The following SFI1 variants were observed in gnomAD, a reference collection of about 807,000 sequenced individuals.
SFI1 encodes the protein protein SFI1 homolog.
A neutral mutation model predicts 207.5 loss-of-function variants in SFI1; 195 were observed. The observed-to-expected ratio is 0.94, with a 90% CI of 0.84 to 1.06. SFI1 has a LOEUF of 1.06. SFI1 is among the 50% of genes least tolerant of loss of function. The probability of loss-of-function intolerance (pLI) is 0.00; values close to 1 mark genes in which losing one functional copy is unlikely to be tolerated. For missense variants in SFI1, 1,634 were observed against 1,588.0 expected (o/e 1.03, Z -0.49); for synonymous variants, 630 against 598.9 (o/e 1.05, Z -0.76).
chr22:31,590,675 T>G (rs957079045), intron 15 of SFI1, among the ~76,000 whole-genome samples: 3 of 151,446 alleles, frequency 2.0e-5, no homozygotes, highest in Non-Finnish European at 4.4e-5. Flanking sequence ...CAGCTAATTT[T>G]TTGTGTTTTT....
chr22:31,595,957 T>C (rs2067039515), intron 15 of SFI1, among the ~76,000 whole-genome samples: 1 of 152,092 alleles, frequency 6.6e-6, no homozygotes, highest in Non-Finnish European at 1.5e-5. Flanking sequence ...TCATCTTTAA[T>C]CTGGAGGATT....
intron 31 of SFI1, among the ~76,000 whole-genome samples, chr22:31,617,778 TG>T (rs1345949125): frequency 1.3e-5 from 2 of 151,018 alleles, no homozygotes; most frequent in Non-Finnish European, 2.9e-5. Context: ...CTCAGTGGTC[TG>T]GGGACCATTC....
rs903231094 is a variant in SFI1 at position 31,522,287 on chromosome 22, C to T, written c.93-6403C>T. On this transcript the variant is annotated intron_variant, in intron 2 of 32. Transcript: ENST00000400288. ...TTCACCATGTTGGCCAGGCTGCTCT[C>T]GAACTCCTGATCCACCTGCCTCAGC... Among the ~76,000 whole-genome samples the T allele has an allele frequency of 4.0e-5, 6 of 150,730 alleles. No homozygotes were observed. In the South Asian group the frequency reaches 8.4e-4, roughly 21 times the overall value.
chr22:31,501,876 G>A (rs536885990), intron 1 of SFI1, among the ~76,000 whole-genome samples: 4 of 152,158 alleles, frequency 2.6e-5, no homozygotes, highest in South Asian at 2.1e-4. Context: ...GGTTTTTGCC[G>A]GATGCTCTGA....
At chr22:31,599,401 A>G (rs1372890036) in intron 15 of SFI1, among the ~76,000 whole-genome samples, 1 of 151,736 alleles carries the variant, frequency 6.6e-6, no homozygotes, top group African/African-American at 2.4e-5. Flanking sequence ...ATCTCGGCTC[A>G]CTGCAATCTT....
chr22:31,550,183 T>C (rs1374170077), intron 5 of SFI1, 71 bp from the exon 6 acceptor site: 10 of 1,208,308 alleles, frequency 8.3e-6, no homozygotes, highest in Non-Finnish European at 1.2e-5. Flanking sequence ...AGTGCTAGGG[T>C]TACAGGTGTG....
chr22:31,545,584 A>AATTTAATTTT (rs1412682098), intron 4 of SFI1, among the ~76,000 whole-genome samples: 183 of 144,988 alleles, frequency 1.3e-3, no homozygotes, highest in Middle Eastern at 3.4e-3. Context: ...AATTTAATTT[A>AATTTAATTTT]ATTTTATTTT....
At chr22:31,612,398 A>AAAATAT (rs1556369798) in intron 24 of SFI1, 13 of 60,198 alleles carry the variant, frequency 2.2e-4, no homozygotes, top group African/African-American at 8.0e-4. Context: ...AAAAAAAAAA[A>AAAATAT]ATATATATAT....
At chr22:31,576,541 G>A (rs946692321) in intron 10 of SFI1, among the ~76,000 whole-genome samples, 12 of 151,494 alleles carry the variant, frequency 7.9e-5, no homozygotes, top group African/African-American at 2.7e-4. Flanking sequence ...GGCTGGTCTC[G>A]AACTCCTGAC....
rs369423531 is a variant in SFI1 at position 31,573,203 on chromosome 22, G to A, written c.911G>A (p.Arg304Lys). Residue 304 changes from arginine to lysine, a missense_variant, in exon 9 of 33, where the codon AGA (arginine) becomes AAA (lysine). By Grantham distance (26) the Arg-to-Lys change is conservative. Coordinates refer to ENST00000400288, the MANE Select transcript of SFI1 (RefSeq NM_001007467.3). Reference protein sequence around the residue: ...LEYLQVRRVKRQQNEMAERFH... With the variant: ...LEYLQVRRVKKQQNEMAERFH... ...TACCTGCAAGTCCGCAGAGTGAAGA[G>A]ACAGCAGAATGGTGAGTAGGAAGCT... 10 of 1,613,920 alleles carry A rather than the reference G, an allele frequency of 6.2e-6. No individual in the cohort carries two copies. In the African/African-American group the frequency reaches 1.2e-4, roughly 19 times the overall value.
chr22:31,553,827 T>TA (rs1453457964), intron 6 of SFI1, among the ~76,000 whole-genome samples: 4 of 145,912 alleles, frequency 2.7e-5, no homozygotes, highest in African/African-American at 1.0e-4. Flanking sequence ...TATTTTTTTT[T>TA]AATGGATTAT....
At chr22:31,569,343 A>G (rs1224319598) in intron 8 of SFI1, among the ~76,000 whole-genome samples, 2 of 152,184 alleles carry the variant, frequency 1.3e-5, no homozygotes, top group Non-Finnish European at 2.9e-5. Flanking sequence ...GATACTATGT[A>G]AGGGGAAGTA....
rs555105418 is a variant in SFI1 at position 31,617,189 on chromosome 22, G to A, written c.3512+111G>A. ...GCCAGCTGCCAGGGTCCTGTAGGTG[G>A]TCTCGGTCTAGCCATGGAGGGGTGT... is the stretch of plus-strand genomic sequence containing the variant. On this transcript the variant is annotated intron_variant, in intron 31 of 32. Transcript: ENST00000400288. 8.2e-5 allele frequency: 96 copies of A among 1,168,484 alleles called. No homozygotes were observed. The African/African-American group carries it at 1.3e-3, about 15-fold the overall frequency. 72.4% of individuals were successfully genotyped at this position (1,168,484 alleles called of 1,614,324 possible).
chr22:31,563,230 C>T (rs1025823716), intron 8 of SFI1, among the ~76,000 whole-genome samples: 8 of 151,880 alleles, frequency 5.3e-5, no homozygotes, highest in African/African-American at 1.9e-4. Flanking sequence ...TGAGCTCAGG[C>T]AATCTGCCTG....
intron 10 of SFI1, among the ~76,000 whole-genome samples, chr22:31,577,250 T>C (rs948224632): frequency 6.6e-6 from 1 of 152,100 alleles, no homozygotes; most frequent in African/African-American, 2.4e-5. Context: ...GTCTAAGTCA[T>C]AGGAGATGAG....
rs191534326 is a variant in SFI1 at position 31,565,284 on chromosome 22, G to T, written c.765+3892G>T. 1.9e-4 allele frequency among the ~76,000 whole-genome samples: 29 copies of T among 152,090 alleles called. No homozygotes were observed. The East Asian group carries it at 4.8e-3, about 25-fold the overall frequency. On this transcript the variant is annotated intron_variant, in intron 8 of 32. Transcript: ENST00000400288. ...CTTATAAAAATATGTGCACATATCT[G>T]TAAAGAATAAACATGTGGTACACTC...
chr22:31,497,655 AAAGCTAGAAATGACG>A (rs60809082), intron 1 of SFI1, among the ~76,000 whole-genome samples: 106,152 of 150,826 alleles, frequency 0.7, 37,465 homozygotes, highest in Middle Eastern at 0.74. Context: ...CTTTATATCA[AAAGCTAGAAATGACG>A]AAGCTAGAAA....
intron 1 of SFI1, among the ~76,000 whole-genome samples, chr22:31,506,327 C>T (rs1033471212): frequency 5.3e-5 from 8 of 151,692 alleles, no homozygotes; most frequent in Non-Finnish European, 8.8e-5. Flanking sequence ...GGATTACAGG[C>T]GTGAGCCACT....
chr22:31,575,274 C>A lies in SFI1; in HGVS notation c.966C>A (p.Tyr322Ter). The A allele has an allele frequency of 1.2e-6, 2 of 1,612,894 alleles. No homozygotes were observed. The highest frequency in any genetic ancestry group is 1.1e-5 in the South Asian group (1 of 90,674). ...ATCATGTCACTGTGCTCCAGATATA[C>A]TTCTGTGACTGGCAGCAGGCCTGGG... ...RFHHVTVLQI[Y>*]FCDWQQAWER... The change falls in exon 10 of 33, where the codon TAC (tyrosine) becomes TAA (stop). Residue 322 changes from tyrosine to a stop codon, truncating the protein, a stop_gained. Coordinates refer to ENST00000400288, the MANE Select transcript of SFI1 (RefSeq NM_001007467.3). LOFTEE classifies it high-confidence loss of function.
Sources: gnomAD v4.1 joint callset for allele counts (sites outside exome capture counted in the v4.1 genomes callset) on GRCh38, gnomAD v4.1.1 for gene constraint, MANE v1.5 for transcripts, NCBI Gene and HGNC (gene_info 2026-07-23, HGNC 2026-07-21) for gene names.